The following NOL4 variants were observed in gnomAD, a reference collection of about 807,000 sequenced individuals.
The protein encoded by NOL4 is nucleolar protein 4.
NOL4 carries 17 observed loss-of-function variants against 75.9 expected under a neutral mutation model. The ratio of observed to expected loss-of-function variants is 0.22; its 90% CI spans 0.15 to 0.34. The LOEUF is 0.34. NOL4 is among the 10% of genes least tolerant of loss of function. NOL4 has a pLI of 1.00. For missense variants in NOL4, 614 were observed against 793.5 expected (o/e 0.77, Z 2.72); for synonymous variants, 292 against 289.9 (o/e 1.01, Z -0.07).
chr18:34,024,090 C>T (rs907258419), intron 5 of NOL4, among the ~76,000 whole-genome samples: 2 of 149,930 alleles, frequency 1.3e-5, no homozygotes, highest in African/African-American at 4.9e-5. Flanking sequence ...TATGTAATCT[C>T]CCAAAGTACC....
intron 10 of NOL4, among the ~76,000 whole-genome samples, chr18:33,866,514 T>C (rs1029811283): frequency 6.6e-6 from 1 of 152,156 alleles, no homozygotes; most frequent in African/African-American, 2.4e-5. Context: ...CTTTCTAATC[T>C]TTCCTCTACT....
chr18:34,023,152 G>T (rs138992954), intron 5 of NOL4, among the ~76,000 whole-genome samples: 3 of 152,062 alleles, frequency 2.0e-5, no homozygotes, highest in East Asian at 3.9e-4. Context: ...AATTTAAATG[G>T]TAAAAAACAA....
intron 5 of NOL4, among the ~76,000 whole-genome samples, chr18:34,065,097 G>A (rs926937030): frequency 6.6e-6 from 1 of 151,912 alleles, no homozygotes; most frequent in Admixed American, 6.6e-5. Context: ...AAAAGGGTTA[G>A]ATAATGATAT....
At chr18:34,122,823 T>A (rs2080205379) in intron 2 of NOL4, among the ~76,000 whole-genome samples, 1 of 150,756 alleles carries the variant, frequency 6.6e-6, no homozygotes, top group South Asian at 2.1e-4. Context: ...GGTCATTTTA[T>A]TTTTTTTTAC....
chr18:34,165,574 C>T (rs1290060612), intron 1 of NOL4, among the ~76,000 whole-genome samples: 1 of 152,124 alleles, frequency 6.6e-6, no homozygotes, highest in Non-Finnish European at 1.5e-5. Flanking sequence ...TATAGTAGGA[C>T]ATTAAATTAC....
chr18:33,965,392 G>C (rs934275456), intron 6 of NOL4, among the ~76,000 whole-genome samples: 1 of 152,126 alleles, frequency 6.6e-6, no homozygotes, highest in Non-Finnish European at 1.5e-5. Flanking sequence ...ACTGGGGAGG[G>C]TGAGGCAGTA....
At chr18:34,161,105 C>A (rs923414589) in intron 1 of NOL4, among the ~76,000 whole-genome samples, 4 of 152,124 alleles carry the variant, frequency 2.6e-5, no homozygotes, top group South Asian at 2.1e-4. Flanking sequence ...TCACTTAACA[C>A]AATGTCCTTC....
intron 6 of NOL4, among the ~76,000 whole-genome samples, chr18:33,968,354 C>T (rs539729891): frequency 6.6e-6 from 1 of 152,252 alleles, no homozygotes; most frequent in East Asian, 1.9e-4. Flanking sequence ...CAGGACCATT[C>T]ACAATAGCAA....
intron 1 of NOL4, among the ~76,000 whole-genome samples, chr18:34,191,781 C>T (rs2034935739): frequency 6.6e-6 from 1 of 152,088 alleles, no homozygotes; most frequent in African/African-American, 2.4e-5. Flanking sequence ...CACATTCAAA[C>T]TTTACAAAAG....
At chr18:34,034,365 T>G (rs567973087) in intron 5 of NOL4, among the ~76,000 whole-genome samples, 2 of 152,122 alleles carry the variant, frequency 1.3e-5, no homozygotes, top group South Asian at 4.2e-4. Context: ...TACAAACTGC[T>G]CACAAAAAAT....
intron 9 of NOL4, among the ~76,000 whole-genome samples, chr18:33,887,650 ATGAG>A (rs1568011787): frequency 6.6e-6 from 1 of 151,380 alleles, no homozygotes; most frequent in Non-Finnish European, 1.5e-5. Context: ...GCTCCTACCT[ATGAG>A]TGAGAACATG....
intron 9 of NOL4, among the ~76,000 whole-genome samples, chr18:33,934,654 T>A (rs2067932419): frequency 6.6e-6 from 1 of 152,158 alleles, no homozygotes; most frequent in Admixed American, 6.6e-5. Flanking sequence ...TAATCTCTGC[T>A]GTAATAGCTT....
chr18:33,975,267 A>C (rs1376098385), intron 6 of NOL4, among the ~76,000 whole-genome samples: 1 of 152,238 alleles, frequency 6.6e-6, no homozygotes, highest in Non-Finnish European at 1.5e-5. Context: ...AATGTAGTTA[A>C]CTGTACACTT....
At chr18:34,026,428 G>C (rs994953741) in intron 5 of NOL4, among the ~76,000 whole-genome samples, 11 of 152,138 alleles carry the variant, frequency 7.2e-5, no homozygotes, top group Non-Finnish European at 1.2e-4. Context: ...AGTAATATCA[G>C]CTATTCCCTG....
intron 1 of NOL4, among the ~76,000 whole-genome samples, chr18:34,159,681 A>ACC (rs2146161571): frequency 6.6e-6 from 1 of 152,148 alleles, no homozygotes; most frequent in East Asian, 1.9e-4. Context: ...TCCCGACCCG[A>ACC]CCAACGGCAG....
At position 33,880,171 on chromosome 18, in the gene NOL4, T is replaced by C. The variant is rs142337536; in HGVS notation, c.1723+3073A>G. On this transcript the variant is annotated intron_variant, in intron 10 of 10. Coordinates refer to ENST00000261592, the MANE Select transcript of NOL4 (RefSeq NM_003787.5). ...TTTCTTTTCTAGTATTTTTATCATATGATTTTGGGTATAGTTTTTCTTTAT... is the reference window on the plus strand; with the variant it reads ...TTTCTTTTCTAGTATTTTTATCATACGATTTTGGGTATAGTTTTTCTTTAT... Among the ~76,000 whole-genome samples the C allele has an allele frequency of 9.1e-3, 1,382 of 152,222 alleles. 10 individuals carry two copies. Among genetic ancestry groups the C allele is most frequent in the Non-Finnish European group, 0.015 (997 of 68,006 alleles).
chr18:34,009,034 T>G (rs914638169), intron 6 of NOL4, among the ~76,000 whole-genome samples: 1 of 151,936 alleles, frequency 6.6e-6, no homozygotes, highest in African/African-American at 2.4e-5. Flanking sequence ...TCATTCCTCA[T>G]GGATCTTCCC....
At chr18:33,882,294 G>A (rs1210655393) in intron 10 of NOL4, among the ~76,000 whole-genome samples, 7 of 152,116 alleles carry the variant, frequency 4.6e-5, no homozygotes, top group African/African-American at 1.2e-4. Flanking sequence ...GAAAATTTTT[G>A]CAACCTACTC....
At chr18:34,097,641 T>C (rs2078850601) in intron 4 of NOL4, among the ~76,000 whole-genome samples, 1 of 152,314 alleles carries the variant, frequency 6.6e-6, no homozygotes, top group African/African-American at 2.4e-5. Context: ...TTTAATTAAT[T>C]TTAATTAATG....
Sources: allele counts gnomAD v4.1 joint callset (sites outside exome capture counted in the v4.1 genomes callset), GRCh38; gene constraint gnomAD v4.1.1; transcripts MANE v1.5; gene names NCBI Gene and HGNC (gene_info 2026-07-23, HGNC 2026-07-21).